MTMR4: variants seen among roughly 807,000 people sequenced by gnomAD.
MTMR4 encodes the protein phosphatidylinositol-3,5-bisphosphate 3-phosphatase MTMR4.
A neutral mutation model predicts 125.5 loss-of-function variants in MTMR4; 30 were observed. The observed-to-expected ratio is 0.24, with a 90% CI of 0.18 to 0.32. The LOEUF (loss-of-function observed/expected upper bound fraction) is 0.32. Ranked by LOEUF, MTMR4 falls within the 10% of genes least tolerant of loss-of-function variation. The pLI, the probability that MTMR4 is intolerant of heterozygous loss-of-function variation, is 1.00. For missense variants in MTMR4, 1,039 were observed against 1,511.5 expected (o/e 0.69, Z 5.18); for synonymous variants, 498 against 564.5 (o/e 0.88, Z 1.67).
chr17:58,491,482 G>T lies in MTMR4; in HGVS notation c.*181C>A. ...CCCCAAGGTGAGGGTATCACCAGTAGAGGACCTCCTGCTAAATTGCAATTC... is the reference window on the plus strand; with the variant it reads ...CCCCAAGGTGAGGGTATCACCAGTATAGGACCTCCTGCTAAATTGCAATTC... On this transcript the variant is annotated 3_prime_UTR_variant, in exon 18 of 18. Transcript: ENST00000682306. 1.7e-6 allele frequency: 1 copy of T among 586,720 alleles called. No homozygotes were observed. The highest frequency in any genetic ancestry group is 2.9e-6 in the Non-Finnish European group (1 of 345,870). 36.3% of individuals were successfully genotyped at this position (586,720 alleles called of 1,614,324 possible).
chr17:58,500,105 C>T (rs1329287748), intron 14 of MTMR4, among the ~76,000 whole-genome samples: 1 of 152,086 alleles, frequency 6.6e-6, no homozygotes, highest in African/African-American at 2.4e-5. Context: ...AAAAACACAT[C>T]ATTTCTCTAA....
At chr17:58,511,984 CTTTTT>C (rs527911785) in intron 3 of MTMR4, among the ~76,000 whole-genome samples, 12 of 147,526 alleles carry the variant, frequency 8.1e-5, no homozygotes, top group Non-Finnish European at 9.0e-5. Flanking sequence ...GGATCCCCAA[CTTTTT>C]TTTTTTTATT....
At position 58,498,776 on chromosome 17, in the gene MTMR4, G is replaced by A. The variant is rs577621720; in HGVS notation, c.1854-2446C>T. 3.4e-4 allele frequency among the ~76,000 whole-genome samples: 52 copies of A among 152,054 alleles called. 1 individual carries two copies. The South Asian group carries it at 8.7e-3, about 26-fold the overall frequency. Reference sequence around the variant, plus strand: ...TCAATCCCAATTTCCCTGTATCTCCGCTTTCTCCCCAAACTGGCTGGTCTT... The same window carrying A: ...TCAATCCCAATTTCCCTGTATCTCCACTTTCTCCCCAAACTGGCTGGTCTT... On this transcript the variant is annotated intron_variant, in intron 14 of 17. Transcript: ENST00000682306.
Position 58,505,483 on chromosome 17 carries a change from C to A in MTMR4, c.1134G>T (p.Pro378=). The change falls in exon 10 of 18, where the codon CCG becomes CCT. Residue 378 remains proline (P), a synonymous_variant. Transcript: ENST00000682306. ...TAGGGAACACCTACTTGCTAGGATCCGGCATCTGGCTACACACAGCCCGGA... is the reference window on the plus strand; with the variant it reads ...TAGGGAACACCTACTTGCTAGGATCAGGCATCTGGCTACACACAGCCCGGA... The part of the protein sequence containing the change: ...QYLRAVCSQM[P]DPSNWLSALE... 6.2e-6 allele frequency: 10 copies of A among 1,611,876 alleles called. No individual in the cohort carries two copies. Among genetic ancestry groups the A allele is most frequent in the Non-Finnish European group, 7.6e-6 (9 of 1,178,606 alleles).
Position 58,490,713 on chromosome 17 carries a change from T to C in MTMR4, c.*950A>G, listed in dbSNP as rs1975293402. On this transcript the variant is annotated 3_prime_UTR_variant, in exon 18 of 18. Coordinates refer to ENST00000682306, the MANE Select transcript of MTMR4 (RefSeq NM_001378067.1). Reference sequence around the variant, plus strand: ...CAAGGGAAAGACAACATGGGGGAAATGGGCAATGGAACAACAACAACGAAA... The same window carrying C: ...CAAGGGAAAGACAACATGGGGGAAACGGGCAATGGAACAACAACAACGAAA... 6.6e-6 allele frequency: 1 copy of C among 152,582 alleles called. No homozygotes were observed. Among genetic ancestry groups the C allele is most frequent in the African/African-American group, 2.4e-5 (1 of 41,438 alleles). The allele number at this position is 152,582 out of a possible 1,614,324, so 9.5% of individuals were successfully genotyped here. A position where few individuals can be genotyped will look rare whatever the true frequency, so the allele number is the denominator to read the frequency against.
At chr17:58,498,941 G>A (rs559987543) in intron 14 of MTMR4, among the ~76,000 whole-genome samples, 1 of 152,234 alleles carries the variant, frequency 6.6e-6, no homozygotes, top group Admixed American at 6.5e-5. Context: ...CAGTGCTTCT[G>A]AATTTAATCC....
At chr17:58,505,040 CCA>C in intron 10 of MTMR4, 66 bp from the exon 11 acceptor site, 1 of 1,444,872 alleles carries the variant, frequency 6.9e-7, no homozygotes, top group Admixed American at 2.3e-5. Context: ...TCTCCACCAT[CCA>C]CAGCCAGCCC....
rs1975318617 is a variant in MTMR4, at chr17:58,491,713, C to T, written c.3580G>A (p.Glu1194Lys). Residue 1194 changes from glutamate (E) to lysine (K), a missense_variant, in exon 18 of 18, where the codon GAA becomes AAA. This residue lies in a region of MTMR4 where 60 missense variants were observed against 129.6 expected (regional missense o/e 0.46). Coordinates refer to ENST00000682306, the MANE Select transcript of MTMR4 (RefSeq NM_001378067.1). Reference protein sequence around the residue: ...YEHIQVSRARELMSQQLKKPI... With the variant: ...YEHIQVSRARKLMSQQLKKPI... ...TTCTTCAGCTGTTGGCTCATGAGTT[C>T]CCTGGCACGAGAGACTTGAATGTGT... is the stretch of plus-strand genomic sequence containing the variant. The T allele has an allele frequency of 6.2e-7, 1 of 1,613,972 alleles. No homozygotes were observed. The highest frequency in any genetic ancestry group is 1.3e-5 in the African/African-American group (1 of 75,022).
rs1400898459 is a variant in MTMR4, at chr17:58,496,291, G to C, written c.1893C>G (p.Ala631=). ...KTRSMDDLLS[A]CDTSSPLTRT... The stretch of plus-strand genomic sequence containing the variant: ...GAGTCAGGGGGCTGCTTGTGTCACA[G>C]GCAGAAAGAAGATCATCCATGGATC... Residue 631 remains alanine, a synonymous_variant, in exon 15 of 18, where the codon GCC becomes GCG. Coordinates refer to ENST00000682306, the MANE Select transcript of MTMR4 (RefSeq NM_001378067.1). 6.2e-7 allele frequency: 1 copy of C among 1,612,466 alleles called. No homozygotes were observed. Among genetic ancestry groups the C allele is most frequent in the Admixed American group, 1.7e-5 (1 of 59,654 alleles).
rs960841754 is a variant in MTMR4, at chr17:58,490,618, C to T, written c.*1045G>A. ...CATATGCTAGGAGGTAAAAACCAAACGCTAAATTCTACCCTCAAGGTGTCA... is the reference window on the plus strand; with the variant it reads ...CATATGCTAGGAGGTAAAAACCAAATGCTAAATTCTACCCTCAAGGTGTCA... On this transcript the variant is annotated 3_prime_UTR_variant, in exon 18 of 18. Coordinates refer to ENST00000682306, the MANE Select transcript of MTMR4 (RefSeq NM_001378067.1). 5 of 152,516 alleles carry T rather than the reference C, an allele frequency of 3.3e-5. No homozygotes were observed. The highest frequency in any genetic ancestry group is 1.3e-4 in the Admixed American group (2 of 15,268). The allele number at this position is 152,516 out of a possible 1,614,324, so 9.4% of individuals were successfully genotyped here.
At chr17:58,502,157 A>ATT (rs10706856) in intron 14 of MTMR4, among the ~76,000 whole-genome samples, 3 of 118,750 alleles carry the variant, frequency 2.5e-5, no homozygotes, top group South Asian at 2.7e-4. Context: ...GTATTTTACA[A>ATT]TTTTTTTTTT....
intron 14 of MTMR4, among the ~76,000 whole-genome samples, chr17:58,502,545 T>C (rs1415154631): frequency 6.7e-6 from 1 of 150,244 alleles, no homozygotes; most frequent in Non-Finnish European, 1.5e-5. Context: ...GGAAATTACC[T>C]AAATGATGAG....
At chr17:58,505,021 A>G in intron 10 of MTMR4, 47 bp from the exon 11 acceptor site, 1 of 1,528,692 alleles carries the variant, frequency 6.5e-7, no homozygotes, top group Non-Finnish European at 8.8e-7. Context: ...TGCTGAGGCC[A>G]CAGCAGTCTC....
At position 58,495,785 on chromosome 17, in the gene MTMR4, G is replaced by C. The variant is rs758119029; in HGVS notation, c.2399C>G (p.Pro800Arg). ...CNFPESSQNS[P>R]TGTPQQAQPD... ...CTGGGCCTGTTGGGGCGTACCTGTA[G>C]GAGAGTTCTGGGAAGACTCAGGAAA... Residue 800 changes from proline to arginine, a missense_variant, in exon 15 of 18, where the codon CCT becomes CGT. This residue lies in a region of MTMR4 where 619 missense variants were observed against 714.5 expected (regional missense o/e 0.87). Coordinates refer to ENST00000682306, the MANE Select transcript of MTMR4 (RefSeq NM_001378067.1). 2.5e-6 allele frequency: 4 copies of C among 1,614,144 alleles called. No individual in the cohort carries two copies. Among genetic ancestry groups the C allele is most frequent in the Non-Finnish European group, 3.4e-6 (4 of 1,180,040 alleles).
chr17:58,518,275 T>C (rs141020334), upstream of MTMR4, among the ~76,000 whole-genome samples: 1 of 152,160 alleles, frequency 6.6e-6, no homozygotes, highest in Non-Finnish European at 1.5e-5. Context: ...GTAGGTTACA[T>C]GCCTAAAGCC....
chr17:58,502,237 A>C (rs537570742), intron 14 of MTMR4, among the ~76,000 whole-genome samples: 1 of 148,984 alleles, frequency 6.7e-6, no homozygotes, highest in Non-Finnish European at 1.5e-5. Flanking sequence ...GCTTACTGCA[A>C]TCTCCACCCC....
rs199824250 is a variant in MTMR4 at position 58,495,373 on chromosome 17, G to T, written c.2811C>A (p.Thr937=). 4.5e-5 allele frequency: 73 copies of T among 1,614,222 alleles called. No homozygotes were observed. The East Asian group carries it at 1.6e-3, about 35-fold the overall frequency. Residue 937 remains threonine (T), a synonymous_variant, in exon 15 of 18, where the codon ACC becomes ACA. Coordinates refer to ENST00000682306, the MANE Select transcript of MTMR4 (RefSeq NM_001378067.1). The part of the protein sequence containing the change: ...MVTSFPSGEA[T]PRRLLSYGCC... The stretch of plus-strand genomic sequence containing the variant: ...AGCCATAGGAAAGCAGCCGCCGAGG[G>T]GTGGCCTCCCCACTTGGGAATGAAG...
chr17:58,503,098 T>C (rs749227237), intron 14 of MTMR4, among the ~76,000 whole-genome samples: 1 of 152,302 alleles, frequency 6.6e-6, no homozygotes, highest in East Asian at 1.9e-4. Flanking sequence ...TTGCTACTAA[T>C]ATAGCAAGCT....
intron 8 of MTMR4, 101 bp downstream of exon 8, chr17:58,507,022 G>T: frequency 2.6e-6 from 4 of 1,563,278 alleles, no homozygotes; most frequent in Non-Finnish European, 2.6e-6. Flanking sequence ...AGCACCCCGT[G>T]TGTTGTCATC....
Sources: allele counts gnomAD v4.1 joint callset (sites outside exome capture counted in the v4.1 genomes callset), GRCh38; gene constraint gnomAD v4.1.1; regional missense constraint gnomAD v4.1.1; transcripts MANE v1.5; gene names NCBI Gene and HGNC (gene_info 2026-07-23, HGNC 2026-07-21).